TENM2: variants seen among roughly 807,000 people sequenced by gnomAD.
The protein encoded by TENM2 is teneurin-2.
TENM2 carries 52 observed loss-of-function variants against 245.2 expected under a neutral mutation model. That is an observed-to-expected ratio of 0.21 (90% CI 0.17 to 0.27). The LOEUF (loss-of-function observed/expected upper bound fraction) is 0.27, where lower values mean the gene tolerates loss of function less well. Ranked by LOEUF, TENM2 falls within the 10% of genes least tolerant of loss-of-function variation. The pLI, the probability that TENM2 is intolerant of heterozygous loss-of-function variation, is 1.00. For synonymous variants in TENM2, 1,363 were observed against 1,438.9 expected (o/e 0.95, Z 1.19); for missense variants, 3,046 against 3,666.8 (o/e 0.83, Z 4.37).
intron 2 of TENM2, among the ~76,000 whole-genome samples, chr5:167,529,141 ATTGTAGATC>A (rs1771319537): frequency 6.6e-6 from 1 of 152,026 alleles, no homozygotes; most frequent in Non-Finnish European, 1.5e-5. Flanking sequence ...AGTATTACAT[ATTGTAGATC>A]TTGATAATTG....
the TENM2 span, among the ~76,000 whole-genome samples, chr5:167,136,226 T>G: frequency 6.6e-6 from 1 of 152,234 alleles, no homozygotes; most frequent in African/African-American, 2.4e-5. Flanking sequence ...TGTGGTTCTA[T>G]TCTCACTTTC....
At chr5:167,957,818 A>G (rs544989222) in intron 4 of TENM2, among the ~76,000 whole-genome samples, 45 of 152,240 alleles carry the variant, frequency 3.0e-4, no homozygotes, top group Non-Finnish European at 4.3e-4. Flanking sequence ...TTCTAATTTG[A>G]TTGCACTGTG....
intron 3 of TENM2, among the ~76,000 whole-genome samples, chr5:167,919,272 G>T (rs1046260824): frequency 6.6e-6 from 1 of 152,158 alleles, no homozygotes; most frequent in Non-Finnish European, 1.5e-5. Flanking sequence ...GCCTACAGAG[G>T]TTGTGCTGTC....
the TENM2 span, among the ~76,000 whole-genome samples, chr5:167,209,221 T>C: frequency 4.6e-5 from 7 of 152,208 alleles, no homozygotes; most frequent in Non-Finnish European, 1.0e-4. Context: ...GTACTTCGCT[T>C]TCCTGGCATA....
chr5:167,959,330 G>A (rs1780820074), intron 4 of TENM2, among the ~76,000 whole-genome samples: 1 of 152,066 alleles, frequency 6.6e-6, no homozygotes, highest in Non-Finnish European at 1.5e-5. Flanking sequence ...CAGCAGCTGG[G>A]ACTACAGGCG....
intron 12 of TENM2, among the ~76,000 whole-genome samples, chr5:168,143,338 A>G (rs1755726950): frequency 6.6e-6 from 1 of 151,514 alleles, no homozygotes. Flanking sequence ...ACAATACTTT[A>G]TAAAAATTAC....
intron 3 of TENM2, among the ~76,000 whole-genome samples, chr5:167,879,435 A>G (rs1773693673): frequency 2.6e-5 from 4 of 152,178 alleles, no homozygotes; most frequent in African/African-American, 9.7e-5. Context: ...GGGTTGCTCC[A>G]GATATGTTTC....
At position 167,921,003 on chromosome 5, in the gene TENM2, T is replaced by C. The variant is rs149032995; in HGVS notation, c.713-31585T>C. Among the ~76,000 whole-genome samples, 286 of 152,366 alleles carry C rather than the reference T, an allele frequency of 1.9e-3. 1 individual carries two copies. Among genetic ancestry groups the C allele is most frequent in the African/African-American group, 6.5e-3 (270 of 41,578 alleles). ...AATCATTTCTCGGGTCCTGATGATATATTGATAGGCTATGGATTAAATATG... is the reference window on the plus strand; with the variant it reads ...AATCATTTCTCGGGTCCTGATGATACATTGATAGGCTATGGATTAAATATG... On this transcript the variant is annotated intron_variant, in intron 3 of 28. Coordinates refer to ENST00000518659, the Ensembl canonical transcript of TENM2.
At chr5:168,061,983 C>A in intron 6 of TENM2, 77 bp from the exon 9 acceptor site, 1 of 1,292,726 alleles carries the variant, frequency 7.7e-7, no homozygotes, top group Non-Finnish European at 1.0e-6. Context: ...AAAAACCTGG[C>A]ATGTAATTAA....
At chr5:167,410,822 A>T (rs1762871124) in intron 2 of TENM2, among the ~76,000 whole-genome samples, 1 of 152,082 alleles carries the variant, frequency 6.6e-6, no homozygotes, top group Admixed American at 6.6e-5. Flanking sequence ...TTTTAATTTT[A>T]TGTATTTTAA....
chr5:167,383,182 CAATA>C (rs1275478467), intron 2 of TENM2, among the ~76,000 whole-genome samples: 1 of 151,814 alleles, frequency 6.6e-6, no homozygotes, highest in Non-Finnish European at 1.5e-5. Context: ...GGATAGAAAT[CAATA>C]AATATAAATT....
chr5:168,093,515 C>A (rs955637877), intron 8 of TENM2, among the ~76,000 whole-genome samples: 1 of 152,288 alleles, frequency 6.6e-6, no homozygotes, highest in South Asian at 2.1e-4. Flanking sequence ...TGTAAACCCC[C>A]GTGATGTGAA....
intron 1 of TENM2, among the ~76,000 whole-genome samples, chr5:167,374,125 A>G (rs753100257): frequency 3.9e-5 from 6 of 152,212 alleles, no homozygotes; most frequent in Admixed American, 6.5e-5. Flanking sequence ...TTACATATAC[A>G]TACCTAACAT....
At chr5:167,078,720 C>CA in the TENM2 span, among the ~76,000 whole-genome samples, 1 of 152,192 alleles carries the variant, frequency 6.6e-6, no homozygotes, top group South Asian at 2.1e-4. Context: ...ACATTTTCAT[C>CA]AAAAAACCAA....
intron 5 of TENM2, among the ~76,000 whole-genome samples, chr5:168,013,378 C>T (rs184464609): frequency 1.4e-4 from 21 of 152,156 alleles, no homozygotes; most frequent in East Asian, 1.2e-3. Flanking sequence ...CTGAAGCAGG[C>T]GGATCACCTG....
intron 2 of TENM2, among the ~76,000 whole-genome samples, chr5:167,861,772 C>T (rs770438114): frequency 6.6e-6 from 1 of 152,202 alleles, no homozygotes; most frequent in African/African-American, 2.4e-5. Context: ...ATTTGTATCT[C>T]GCTGAGCCTG....
chr5:168,056,714 C>G (rs187848848), intron 6 of TENM2, among the ~76,000 whole-genome samples: 1 of 152,316 alleles, frequency 6.6e-6, no homozygotes, highest in Non-Finnish European at 1.5e-5. Context: ...TTAAACAAAG[C>G]AACTTCCAGT....
At chr5:167,028,861 T>G in the TENM2 span, among the ~76,000 whole-genome samples, 1 of 152,106 alleles carries the variant, frequency 6.6e-6, no homozygotes, top group Non-Finnish European at 1.5e-5. Context: ...GGCAATGTGA[T>G]TGGAGGCCTG....
intron 5 of TENM2, among the ~76,000 whole-genome samples, chr5:168,044,823 T>G (rs566766118): frequency 1.3e-5 from 2 of 152,212 alleles, no homozygotes; most frequent in East Asian, 3.9e-4. Flanking sequence ...ACTCATTTAC[T>G]TCACAGCTCC....
Sources: allele counts gnomAD v4.1 joint callset (sites outside exome capture counted in the v4.1 genomes callset), GRCh38; gene constraint gnomAD v4.1.1; transcripts MANE v1.5; gene names NCBI Gene and HGNC (gene_info 2026-07-23, HGNC 2026-07-21).